The following EMC3 variants were observed in gnomAD, a reference collection of about 807,000 sequenced individuals.
EMC3 encodes the protein 30 kDa protein.
A neutral mutation model predicts 36.6 loss-of-function variants in EMC3; 13 were observed. That is an observed-to-expected ratio of 0.35 (90% CI 0.23 to 0.56). The LOEUF (loss-of-function observed/expected upper bound fraction) is 0.56. Among genes scored for constraint, EMC3 ranks in the 20% least tolerant of loss-of-function variants. The probability of loss-of-function intolerance (pLI) is 0.84; values close to 1 mark genes in which losing one functional copy is unlikely to be tolerated. For synonymous variants in EMC3, 120 were observed against 111.9 expected (o/e 1.07, Z -0.46); for missense variants, 220 against 324.5 (o/e 0.68, Z 2.47).
intron 1 of EMC3, among the ~76,000 whole-genome samples, chr3:9,996,198 C>T (rs2086121948): frequency 6.6e-6 from 1 of 152,218 alleles, no homozygotes; most frequent in Non-Finnish European, 1.5e-5. Context: ...AATCCCAGCA[C>T]TTTGGGAGGC....
At chr3:10,008,358 C>T (rs750611770) in intron 1 of EMC3, 2 of 1,348,326 alleles carry the variant, frequency 1.5e-6, no homozygotes, top group South Asian at 1.2e-5. Context: ...GCTCCAGGCA[C>T]CAGGGCAAAA....
chr3:10,002,129 G>A (rs2086208766), intron 1 of EMC3, among the ~76,000 whole-genome samples: 1 of 152,106 alleles, frequency 6.6e-6, no homozygotes, highest in Admixed American at 6.6e-5. Flanking sequence ...TTCTATTTCT[G>A]CAAACTATGT....
chr3:10,008,913 T>G, intron 1 of EMC3: 1 of 162,888 alleles, frequency 6.1e-6, no homozygotes. Context: ...CTGCAGAGCA[T>G]TGGAAATGCA....
chr3:9,999,670 C>G (rs536696024), intron 1 of EMC3, among the ~76,000 whole-genome samples: 1 of 152,198 alleles, frequency 6.6e-6, no homozygotes, highest in African/African-American at 2.4e-5. Context: ...TTCCCAATCA[C>G]AAATACGCAG....
chr3:9,967,665 G>A (rs1249927602), intron 7 of EMC3, among the ~76,000 whole-genome samples: 1 of 152,070 alleles, frequency 6.6e-6, no homozygotes, highest in Non-Finnish European at 1.5e-5. Context: ...ATTCAATTTT[G>A]CCAACATTTT....
chr3:9,980,158 C>T (rs1012625913), intron 1 of EMC3, among the ~76,000 whole-genome samples: 9 of 151,924 alleles, frequency 5.9e-5, no homozygotes, highest in East Asian at 5.8e-4. Flanking sequence ...GGGTTACAGG[C>T]GCGCACCACC....
intron 1 of EMC3, among the ~76,000 whole-genome samples, chr3:9,980,919 G>A (rs2085904479): frequency 6.6e-6 from 1 of 152,190 alleles, no homozygotes; most frequent in Non-Finnish European, 1.5e-5. Context: ...TCACAGCCAG[G>A]CGTGGTGGCT....
At chr3:9,994,953 G>A (rs2086105176) in intron 1 of EMC3, among the ~76,000 whole-genome samples, 1 of 138,484 alleles carries the variant, frequency 7.2e-6, no homozygotes, top group Admixed American at 7.0e-5. Flanking sequence ...AAAGCACAGT[G>A]TCTTATTTTG....
At chr3:9,987,779 C>T (rs1164318166), upstream of EMC3, 1 of 482,242 alleles carries the variant, frequency 2.1e-6, no homozygotes, top group Non-Finnish European at 3.8e-6. Context: ...CTCTATTTTT[C>T]AAAATGTCCA....
Position 9,972,366 on chromosome 3 carries a change from A to G in EMC3, c.494+1262T>C, listed in dbSNP as rs146756698. 4.0e-5 allele frequency among the ~76,000 whole-genome samples: 6 copies of G among 150,908 alleles called. No homozygotes were observed. The South Asian group carries it at 6.4e-4, about 16-fold the overall frequency. On this transcript the variant is annotated intron_variant, in intron 5 of 7. Transcript: ENST00000245046. ...CCACCCCTGCATTCTTAAGCCCCCA[A>G]TTGTGATAGAAAAGAGGTGACACAT...
upstream of EMC3, among the ~76,000 whole-genome samples, chr3:9,990,829 TA>T: frequency 3.3e-5 from 5 of 149,716 alleles, no homozygotes; most frequent in African/African-American, 1.2e-4. Flanking sequence ...TTTATTTATT[TA>T]TTTATTTATT....
intron 1 of EMC3, chr3:10,004,263 G>C (rs909391962): frequency 7.9e-5 from 12 of 152,250 alleles, no homozygotes; most frequent in African/African-American, 2.7e-4. Flanking sequence ...AAGAAGTTAT[G>C]AGGGACCCGT....
At chr3:9,987,970 G>T (rs769457870), upstream of EMC3, 3 of 993,726 alleles carry the variant, frequency 3.0e-6, no homozygotes, top group Non-Finnish European at 4.8e-6. Context: ...ACTGTTGCAG[G>T]CTTTCCAAGT....
chr3:10,009,434 C>T lies in EMC3; in HGVS notation c.-242+1589G>A, dbSNP rs1007840828. 1.4e-4 allele frequency among the ~76,000 whole-genome samples: 22 copies of T among 152,176 alleles called. 1 individual carries two copies. The highest frequency in any genetic ancestry group is 2.4e-5 in the African/African-American group (1 of 41,424). Reference sequence around the variant, plus strand: ...GAGGCGGGAGGAAAAGCAAACCCCACCAAACCAACACCTAGTCTAGAGCCT... The same window carrying T: ...GAGGCGGGAGGAAAAGCAAACCCCATCAAACCAACACCTAGTCTAGAGCCT... On this transcript the variant is annotated intron_variant, in intron 1 of 8. Coordinates refer to the EMC3 transcript ENST00000470827.
intron 1 of EMC3, among the ~76,000 whole-genome samples, chr3:9,997,695 G>A (rs1394607941): frequency 6.6e-6 from 1 of 151,652 alleles, no homozygotes; most frequent in African/African-American, 2.4e-5. Flanking sequence ...GCTGACCTCA[G>A]GTAATCCACC....
At chr3:9,995,874 A>T (rs1300583038) in intron 1 of EMC3, among the ~76,000 whole-genome samples, 4 of 152,124 alleles carry the variant, frequency 2.6e-5, no homozygotes, top group African/African-American at 9.7e-5. Context: ...AAAAAAAGCA[A>T]ATGATAGATT....
chr3:9,977,254 C>G, intron 2 of EMC3, 135 bp downstream of exon 2: 1 of 897,048 alleles, frequency 1.1e-6, no homozygotes, highest in Non-Finnish European at 1.7e-6. Context: ...ACCATGAGAG[C>G]AAACACCACC....
chr3:10,001,288 A>G lies in EMC3; in HGVS notation c.-242+9735T>C, dbSNP rs567614920. Among the ~76,000 whole-genome samples the G allele has an allele frequency of 8.6e-5, 13 of 151,826 alleles. No individual in the cohort carries two copies. In the East Asian group the frequency reaches 2.5e-3, roughly 29 times the overall value. ...TCAAAAATCAATTTGTCGGCCGGGC[A>G]TGGTGGCTCACGCCTGTATTCCCAG... On this transcript the variant is annotated intron_variant, in intron 1 of 8. Coordinates refer to the EMC3 transcript ENST00000470827.
At chr3:10,003,141 A>G in intron 1 of EMC3, 1 of 456,430 alleles carries the variant, frequency 2.2e-6, no homozygotes, top group Non-Finnish European at 4.4e-6. Context: ...CTCCCCAGCA[A>G]CACCCTGTGG....
Sources: gnomAD v4.1 joint callset for allele counts (sites outside exome capture counted in the v4.1 genomes callset) on GRCh38, gnomAD v4.1.1 for gene constraint, MANE v1.5 for transcripts, NCBI Gene and HGNC (gene_info 2026-07-23, HGNC 2026-07-21) for gene names.